The following DOCK5 variants were observed in gnomAD, a reference collection of about 807,000 sequenced individuals.
DOCK5 encodes the protein dedicator of cytokinesis protein 5.
Under a neutral mutation model 251.8 loss-of-function variants are expected in DOCK5, and 142 were observed. That is an observed-to-expected ratio of 0.56 (90% CI 0.49 to 0.65). DOCK5 has a LOEUF of 0.65. DOCK5 is among the 30% of genes least tolerant of loss of function. The pLI is 0.00. For synonymous variants in DOCK5, 842 were observed against 835.5 expected (o/e 1.01, Z -0.13); for missense variants, 2,111 against 2,312.3 (o/e 0.91, Z 1.79).
At chr8:25,326,568 C>T (rs1035119993) in intron 18 of DOCK5, among the ~76,000 whole-genome samples, 1 of 152,168 alleles carries the variant, frequency 6.6e-6, no homozygotes, top group Non-Finnish European at 1.5e-5. Context: ...GTGACAAAAC[C>T]GTCAGCAACA....
intron 49 of DOCK5, 82 bp from the exon 50 acceptor site, chr8:25,408,720 C>T: frequency 2.0e-6 from 3 of 1,525,108 alleles, no homozygotes; most frequent in Non-Finnish European, 2.7e-6. Flanking sequence ...AGTGTCTTCT[C>T]AGAAGACAAG....
intron 18 of DOCK5, among the ~76,000 whole-genome samples, chr8:25,330,778 C>T (rs1805663632): frequency 6.6e-6 from 1 of 151,996 alleles, no homozygotes; most frequent in Admixed American, 6.6e-5. Context: ...AAATATCAGC[C>T]GGGCGCAGTG....
chr8:25,333,790 G>A (rs1200022659), intron 20 of DOCK5, among the ~76,000 whole-genome samples: 2 of 152,136 alleles, frequency 1.3e-5, no homozygotes, highest in Non-Finnish European at 2.9e-5. Context: ...CCTTCCTCCT[G>A]CCCGTTAGGT....
intron 1 of DOCK5, among the ~76,000 whole-genome samples, chr8:25,188,779 T>A (rs1801496049): frequency 1.3e-5 from 2 of 152,188 alleles, no homozygotes; most frequent in East Asian, 3.9e-4. Context: ...TAAGTGTTCT[T>A]CCCTGGAGAC....
At chr8:25,306,859 T>TGTCTACATAGGCACTC (rs1804953877) in intron 11 of DOCK5, among the ~76,000 whole-genome samples, 1 of 152,216 alleles carries the variant, frequency 6.6e-6, no homozygotes, top group Non-Finnish European at 1.5e-5. Flanking sequence ...TCTCTTGTCA[T>TGTCTACATAGGCACTC]TGTGTAGACA....
chr8:25,224,900 C>T (rs896206095), intron 1 of DOCK5, among the ~76,000 whole-genome samples: 3 of 152,180 alleles, frequency 2.0e-5, no homozygotes, highest in Non-Finnish European at 2.9e-5. Context: ...CATCAAAAAA[C>T]CTCATAACTC....
At chr8:25,236,091 C>G (rs1802790839) in intron 1 of DOCK5, among the ~76,000 whole-genome samples, 3 of 152,130 alleles carry the variant, frequency 2.0e-5, no homozygotes, top group Admixed American at 2.0e-4. Flanking sequence ...AGCCACTGCA[C>G]CTGGCCAAGA....
chr8:25,303,956 ACTGT>A (rs763865792), intron 10 of DOCK5, among the ~76,000 whole-genome samples: 2 of 152,182 alleles, frequency 1.3e-5, no homozygotes, highest in Non-Finnish European at 2.9e-5. Flanking sequence ...AAGGAGCAAG[ACTGT>A]CTTTTAATAA....
intron 13 of DOCK5, among the ~76,000 whole-genome samples, chr8:25,313,189 G>A (rs148364097): frequency 2.6e-3 from 389 of 152,116 alleles, no homozygotes; most frequent in African/African-American, 8.7e-3. Context: ...ACTCTTCCCT[G>A]TACCCCCTTG....
intron 27 of DOCK5, 131 bp from the exon 28 acceptor site, chr8:25,358,832 G>A (rs1010165436): frequency 1.5e-5 from 11 of 740,234 alleles, no homozygotes; most frequent in Middle Eastern, 3.8e-4. Flanking sequence ...AGAATGCAGC[G>A]TGTTTCCAGT....
intron 39 of DOCK5, among the ~76,000 whole-genome samples, chr8:25,382,138 G>A (rs1801078400): frequency 6.6e-6 from 1 of 151,978 alleles, no homozygotes; most frequent in Non-Finnish European, 1.5e-5. Flanking sequence ...CTCAGCTGCT[G>A]GCTAATTTTT....
Position 25,211,180 on chromosome 8 carries a change from G to T in DOCK5, c.43+26229G>T, listed in dbSNP as rs914835790. 6.5e-4 allele frequency among the ~76,000 whole-genome samples: 46 copies of T among 70,640 alleles called. 11 individuals are homozygous for T. The highest frequency in any genetic ancestry group is 1.4e-3 in the African/African-American group (45 of 31,164). The allele number at this position is 70,640 out of a possible 152,430, so 46.3% of individuals were successfully genotyped here. A position where few individuals can be genotyped will look rare whatever the true frequency, so the allele number is the denominator to read the frequency against. On this transcript the variant is annotated intron_variant, in intron 1 of 51. Transcript: ENST00000276440. ...TAAGGAACTTACAGTACAGCAGAGG[G>T]GACAGGATGGTGTCTCCATTATTTT...
At chr8:25,381,806 G>C (rs1279587470) in intron 39 of DOCK5, among the ~76,000 whole-genome samples, 1 of 152,046 alleles carries the variant, frequency 6.6e-6, no homozygotes, top group African/African-American at 2.4e-5. Flanking sequence ...GTCCACGTCT[G>C]GCTGGCTATT....
chr8:25,200,786 A>G (rs918476791), intron 1 of DOCK5, among the ~76,000 whole-genome samples: 2 of 152,278 alleles, frequency 1.3e-5, no homozygotes, highest in Non-Finnish European at 2.9e-5. Context: ...AGGGCAAAAT[A>G]AAACATGCCT....
At chr8:25,254,943 G>GT (rs1417039442) in intron 2 of DOCK5, among the ~76,000 whole-genome samples, 31 of 152,184 alleles carry the variant, frequency 2.0e-4, no homozygotes, top group African/African-American at 7.5e-4. Context: ...TGGCATGTAA[G>GT]TGTGTGAAAA....
intron 30 of DOCK5, among the ~76,000 whole-genome samples, chr8:25,365,901 GATGC>G (rs753357502): frequency 6.6e-6 from 1 of 152,154 alleles, no homozygotes; most frequent in African/African-American, 2.4e-5. Flanking sequence ...CACACACAGA[GATGC>G]ATGCACATAT....
At chr8:25,392,639 A>C (rs1446242004) in intron 43 of DOCK5, among the ~76,000 whole-genome samples, 157 bp from the exon 44 acceptor site, 1 of 152,218 alleles carries the variant, frequency 6.6e-6, no homozygotes, top group African/African-American at 2.4e-5. Flanking sequence ...CTTGAATTTT[A>C]TGAGAAAATT....
At chr8:25,284,512 G>A (rs750526405) in intron 5 of DOCK5, among the ~76,000 whole-genome samples, 6 of 152,172 alleles carry the variant, frequency 3.9e-5, no homozygotes, top group Non-Finnish European at 7.4e-5. Context: ...CTCCAGCCCC[G>A]TAGTAACTTA....
At chr8:25,368,133 T>C in intron 31 of DOCK5, 59 bp from the exon 32 acceptor site, 3 of 1,319,430 alleles carry the variant, frequency 2.3e-6, no homozygotes, top group Non-Finnish European at 3.2e-6. Flanking sequence ...CTTCTTATTG[T>C]GTTTATGCAA....
Sources: gnomAD v4.1 joint callset for allele counts (sites outside exome capture counted in the v4.1 genomes callset) on GRCh38, gnomAD v4.1.1 for gene constraint, MANE v1.5 for transcripts, NCBI Gene and HGNC (gene_info 2026-07-23, HGNC 2026-07-21) for gene names.